Variants in RAD18 observed in about 807,000 individuals in gnomAD.
RAD18 encodes the protein E3 ubiquitin-protein ligase RAD18.
RAD18 carries 47 observed loss-of-function variants against 60.4 expected under a neutral mutation model. The observed-to-expected ratio is 0.78, with a 90% CI of 0.62 to 0.99. RAD18 has a LOEUF of 0.99. RAD18 is among the 50% of genes least tolerant of loss of function. The pLI is 0.00. For synonymous variants in RAD18, 225 were observed against 195.5 expected, an observed-to-expected ratio of 1.15 and a Z score of -1.26; for missense variants, 640 against 593.3, an observed-to-expected ratio of 1.08 and a Z score of -0.82.
intron 2 of RAD18, among the ~76,000 whole-genome samples, chr3:8,956,886 C>G (rs1206553853): frequency 2.0e-5 from 3 of 152,046 alleles, no homozygotes; most frequent in Non-Finnish European, 4.4e-5. Flanking sequence ...ATGCTTTCCC[C>G]AAAAAATTAA....
chr3:8,908,364 G>C (rs1297902245), intron 9 of RAD18, among the ~76,000 whole-genome samples: 1 of 151,852 alleles, frequency 6.6e-6, no homozygotes, highest in Non-Finnish European at 1.5e-5. Flanking sequence ...CACCCCTGAG[G>C]TCATTAGGAT....
intron 7 of RAD18, among the ~76,000 whole-genome samples, chr3:8,924,200 T>G (rs1940383117): frequency 6.6e-6 from 1 of 151,214 alleles, no homozygotes; most frequent in South Asian, 2.1e-4. Flanking sequence ...AGGCTCAAAA[T>G]AAAGGGATGG....
chr3:8,898,961 C>A lies in RAD18; in HGVS notation c.1255G>T (p.Glu419Ter), dbSNP rs201412563. Residue 419 changes from glutamate (E) to a stop codon, truncating the protein, a stop_gained, in exon 11 of 13, where the codon GAG becomes TAG. Transcript: ENST00000264926. LOFTEE classifies it high-confidence loss of function. ...SPEELEPDRE[E>*]DSSSCIDIQE... Reference sequence around the variant, plus strand: ...ATATCAATACAGCTAGAAGAATCCTCTTCTCTGTCAGGTTCCAATTCCTCT... The same window carrying A: ...ATATCAATACAGCTAGAAGAATCCTATTCTCTGTCAGGTTCCAATTCCTCT... 6.2e-7 allele frequency: 1 copy of A among 1,609,994 alleles called. No individual in the cohort carries two copies. The highest frequency in any genetic ancestry group is 2.2e-5 in the East Asian group (1 of 44,774).
At chr3:8,928,027 T>C (rs1021342290) in intron 7 of RAD18, among the ~76,000 whole-genome samples, 1 of 148,354 alleles carries the variant, frequency 6.7e-6, no homozygotes, top group Non-Finnish European at 1.5e-5. Context: ...ACCTGCACGT[T>C]GTGCACATGT....
At chr3:8,958,694 A>G (rs575050067) in intron 2 of RAD18, among the ~76,000 whole-genome samples, 4 of 152,370 alleles carry the variant, frequency 2.6e-5, no homozygotes, top group South Asian at 2.1e-4. Context: ...CATAAATGCT[A>G]TAAGAATCAT....
At chr3:8,894,799 C>T (rs536372239) in intron 11 of RAD18, among the ~76,000 whole-genome samples, 100 of 133,756 alleles carry the variant, frequency 7.5e-4, no homozygotes, top group African/African-American at 2.6e-3. Context: ...CTCGCTTTGT[C>T]ACCCAGGCTG....
intron 2 of RAD18, among the ~76,000 whole-genome samples, chr3:8,956,745 T>C (rs112718433): frequency 9.9e-6 from 1 of 100,562 alleles, no homozygotes; most frequent in African/African-American, 1.5e-4. Context: ...CACCCATTCA[T>C]GATTTAAAAA....
Position 8,947,300 on chromosome 3 carries a change from AC to A in RAD18, c.196-11del. On this transcript the variant is annotated splice_polypyrimidine_tract_variant and intron_variant, in intron 3 of 12. Coordinates refer to ENST00000264926, the MANE Select transcript of RAD18 (RefSeq NM_020165.4). Reference sequence around the variant, plus strand: ...CCGGCTCTGTGACAGTCTAGAAAAAACAAACAACAGATGGAAAAAGGTCAAA... The same window carrying A: ...CCGGCTCTGTGACAGTCTAGAAAAAAAAACAACAGATGGAAAAAGGTCAAA... 2.5e-6 allele frequency: 4 copies of A among 1,590,160 alleles called. No homozygotes were observed. Among genetic ancestry groups the A allele is most frequent in the Non-Finnish European group, 3.4e-6 (4 of 1,160,246 alleles).
intron 2 of RAD18, among the ~76,000 whole-genome samples, chr3:8,949,046 C>T (rs1559798303): frequency 6.6e-6 from 1 of 152,104 alleles, no homozygotes; most frequent in Admixed American, 6.6e-5. Context: ...TTGTGGCAGG[C>T]ACTAAGAACA....
intron 12 of RAD18, among the ~76,000 whole-genome samples, chr3:8,885,244 A>G (rs1939538156): frequency 1.3e-5 from 2 of 152,008 alleles, no homozygotes; most frequent in Admixed American, 1.3e-4. Flanking sequence ...AACAGGCCTG[A>G]GTTTCCTTTT....
intron 8 of RAD18, among the ~76,000 whole-genome samples, chr3:8,912,940 A>G (rs1940128090): frequency 6.6e-6 from 1 of 152,318 alleles, no homozygotes; most frequent in East Asian, 1.9e-4. Flanking sequence ...AATAGGGTCA[A>G]TGTAAATCCC....
intron 12 of RAD18, among the ~76,000 whole-genome samples, chr3:8,887,558 T>G (rs147872909): frequency 6.6e-5 from 10 of 152,350 alleles, no homozygotes; most frequent in Non-Finnish European, 1.5e-4. Context: ...TTGTTGTTGC[T>G]TTTTGGTTGG....
intron 9 of RAD18, among the ~76,000 whole-genome samples, chr3:8,911,494 A>G (rs956711025): frequency 3.3e-5 from 5 of 152,314 alleles, no homozygotes; most frequent in Admixed American, 6.5e-5. Flanking sequence ...TCTGTCCAGC[A>G]ACAGAACAAT....
rs553993255 is a variant in RAD18, at chr3:8,943,125, T to C, written c.267-1321A>G. Among the ~76,000 whole-genome samples, 9 of 152,280 alleles carry C rather than the reference T, an allele frequency of 5.9e-5. No individual in the cohort carries two copies. The South Asian group carries it at 1.9e-3, about 32-fold the overall frequency. On this transcript the variant is annotated intron_variant, in intron 4 of 12. Coordinates refer to ENST00000264926, the MANE Select transcript of RAD18 (RefSeq NM_020165.4). ...AATTTAACTGCCTCTTAGAACAAAATGTGACATCTTTCAAAAGAAGACAAT... is the reference window on the plus strand; with the variant it reads ...AATTTAACTGCCTCTTAGAACAAAACGTGACATCTTTCAAAAGAAGACAAT...
intron 7 of RAD18, among the ~76,000 whole-genome samples, chr3:8,921,288 G>C (rs1677025): frequency 0.54 from 82,176 of 152,130 alleles, 26,209 homozygotes; most frequent in Middle Eastern, 0.72. Flanking sequence ...TTAAAAGAAT[G>C]CAAAATTAAG....
intron 12 of RAD18, among the ~76,000 whole-genome samples, chr3:8,888,116 G>T (rs543712562): frequency 7.5e-4 from 114 of 152,264 alleles, no homozygotes; most frequent in Admixed American, 1.4e-3. Context: ...CCCAATCAGG[G>T]TTCTAGCCTA....
chr3:8,887,339 A>G (rs952477019), intron 12 of RAD18, among the ~76,000 whole-genome samples: 1 of 152,164 alleles, frequency 6.6e-6, no homozygotes, highest in African/African-American at 2.4e-5. Flanking sequence ...TTCTGGCTTG[A>G]ACAGTGGGGA....
Position 8,923,318 on chromosome 3 carries a change from T to C in RAD18, c.890-9598A>G, listed in dbSNP as rs537493735. 3.4e-4 allele frequency among the ~76,000 whole-genome samples: 52 copies of C among 152,252 alleles called. No homozygotes were observed. The Middle Eastern group carries it at 0.01, about 30-fold the overall frequency. On this transcript the variant is annotated intron_variant, in intron 7 of 12. Transcript: ENST00000264926. ...CAATTGGAAGAAAGGGTATCAGTGA[T>C]GGAAGATCAAATGAATGAAATGAAG...
rs139651877 is a variant in RAD18 at position 8,942,190 on chromosome 3, C to A, written c.267-386G>T. 4.5e-3 allele frequency among the ~76,000 whole-genome samples: 687 copies of A among 152,302 alleles called. 5 individuals are homozygous for A. The highest frequency in any genetic ancestry group is 8.2e-3 in the Non-Finnish European group (556 of 68,026). On this transcript the variant is annotated intron_variant, in intron 4 of 12. Transcript: ENST00000264926. Reference sequence around the variant, plus strand: ...GGGACCTGGTGGAAGGTGACTGGATCATGAGGGCGAATTTCTCATGAATGG... The same window carrying A: ...GGGACCTGGTGGAAGGTGACTGGATAATGAGGGCGAATTTCTCATGAATGG...
Sources: gnomAD v4.1 joint callset for allele counts (sites outside exome capture counted in the v4.1 genomes callset) on GRCh38, gnomAD v4.1.1 for gene constraint, MANE v1.5 for transcripts, NCBI Gene and HGNC (gene_info 2026-07-23, HGNC 2026-07-21) for gene names.